Variants in ATRNL1 observed in about 807,000 individuals in gnomAD.
ATRNL1 encodes attractin-like protein 1.
In ATRNL1, 95 loss-of-function variants were observed where a neutral mutation model predicts 182.7. The observed-to-expected ratio is 0.52, with a 90% CI of 0.44 to 0.62. The LOEUF (loss-of-function observed/expected upper bound fraction) is 0.62. Ranked by LOEUF, ATRNL1 falls within the 20% of genes least tolerant of loss-of-function variation. The pLI, the probability that ATRNL1 is intolerant of heterozygous loss-of-function variation, is 0.00. For missense variants in ATRNL1, 1,471 were observed against 1,679.5 expected (o/e 0.88, Z 2.17); for synonymous variants, 576 against 568.3 (o/e 1.01, Z -0.19).
chr10:115,457,709 G>A (rs1230421176), intron 21 of ATRNL1, among the ~76,000 whole-genome samples: 3 of 151,896 alleles, frequency 2.0e-5, no homozygotes, highest in Non-Finnish European at 4.4e-5. Flanking sequence ...GCCACCACAT[G>A]TCCCTCCCTG....
chr10:115,311,175 T>C (rs1230336790), intron 17 of ATRNL1, among the ~76,000 whole-genome samples: 1 of 146,564 alleles, frequency 6.8e-6, no homozygotes, highest in African/African-American at 2.5e-5. Flanking sequence ...GAGAAGATAC[T>C]TGATATGATT....
intron 28 of ATRNL1, among the ~76,000 whole-genome samples, chr10:115,939,095 G>A (rs1322774656): frequency 4.6e-5 from 7 of 152,196 alleles, no homozygotes; most frequent in African/African-American, 1.7e-4. Flanking sequence ...TGTATACATA[G>A]GTCAAAACAC....
chr10:115,900,727 A>C (rs2134489200), intron 28 of ATRNL1, among the ~76,000 whole-genome samples: 1 of 152,308 alleles, frequency 6.6e-6, no homozygotes, highest in East Asian at 1.9e-4. Flanking sequence ...ACTTGCTTTG[A>C]AGTCTGTTAT....
At chr10:115,163,032 G>A (rs1592194042) in intron 6 of ATRNL1, among the ~76,000 whole-genome samples, 1 of 151,434 alleles carries the variant, frequency 6.6e-6, no homozygotes, top group East Asian at 2.0e-4. Context: ...AAGTGGGGTG[G>A]GGATGGGGGT....
intron 24 of ATRNL1, among the ~76,000 whole-genome samples, chr10:115,469,749 T>C (rs1187004340): frequency 7.3e-5 from 11 of 150,674 alleles, no homozygotes; most frequent in African/African-American, 2.4e-4. Flanking sequence ...TAGCAGTATT[T>C]CAGTTACCTC....
rs112343950 is a variant in ATRNL1 at position 115,723,534 on chromosome 10, GTATT to G, written c.3796-3688_3796-3685del. ...TTAAGCGTAGATATTCTTTTCTTTT[GTATT>G]TATTTATTTATTTATTTATTTATTT... On this transcript the variant is annotated intron_variant, in intron 26 of 28. Coordinates refer to ENST00000355044, the MANE Select transcript of ATRNL1 (RefSeq NM_207303.4). Among the ~76,000 whole-genome samples, 89 of 148,224 alleles carry G rather than the reference GTATT, an allele frequency of 6.0e-4. No homozygotes were observed. In the South Asian group the frequency reaches 0.015, roughly 25 times the overall value.
rs539412646 is a variant in ATRNL1, at chr10:115,799,179, TCTTTG to T, written c.3904-48691_3904-48687del. 1.2e-4 allele frequency among the ~76,000 whole-genome samples: 19 copies of T among 152,324 alleles called. No individual in the cohort carries two copies. In the East Asian group the frequency reaches 3.7e-3, roughly 29 times the overall value. On this transcript the variant is annotated intron_variant, in intron 27 of 28. Coordinates refer to ENST00000355044, the MANE Select transcript of ATRNL1 (RefSeq NM_207303.4). ...TATCTTTACATTTATAATACCTGTC[TCTTTG>T]CTTTGCACACAATATGGACTTAATA...
At chr10:115,444,174 A>G (rs1554966203) in intron 21 of ATRNL1, among the ~76,000 whole-genome samples, 1 of 152,138 alleles carries the variant, frequency 6.6e-6, no homozygotes, top group East Asian at 1.9e-4. Flanking sequence ...CTACAGGCAA[A>G]TTATTAGAAA....
chr10:115,419,760 T>C (rs1303156620), intron 20 of ATRNL1, among the ~76,000 whole-genome samples: 1 of 152,140 alleles, frequency 6.6e-6, no homozygotes, highest in African/African-American at 2.4e-5. Flanking sequence ...AGAGGACCTA[T>C]GTATATAAAG....
At chr10:115,834,743 A>G (rs1241488675) in intron 27 of ATRNL1, among the ~76,000 whole-genome samples, 1 of 151,940 alleles carries the variant, frequency 6.6e-6, no homozygotes, top group Admixed American at 6.6e-5. Flanking sequence ...TTCCCCTACT[A>G]CCTTCCACCA....
At chr10:115,227,304 C>G (rs782276015) in intron 9 of ATRNL1, among the ~76,000 whole-genome samples, 3 of 151,992 alleles carry the variant, frequency 2.0e-5, no homozygotes, top group African/African-American at 7.2e-5. Context: ...AAGTGCCCAA[C>G]AAACATGCAA....
chr10:115,872,098 G>A (rs1301830233), intron 28 of ATRNL1, among the ~76,000 whole-genome samples: 1 of 152,130 alleles, frequency 6.6e-6, no homozygotes, highest in African/African-American at 2.4e-5. Context: ...GAGAAAATTG[G>A]GTTATCATCT....
chr10:115,348,623 G>T (rs1245671748), intron 19 of ATRNL1, among the ~76,000 whole-genome samples: 1 of 152,048 alleles, frequency 6.6e-6, no homozygotes, highest in East Asian at 1.9e-4. Flanking sequence ...TGCAATGAAG[G>T]AATATCCTTG....
chr10:115,277,501 A>G (rs754060709), intron 13 of ATRNL1, among the ~76,000 whole-genome samples: 82 of 152,074 alleles, frequency 5.4e-4, no homozygotes, highest in Non-Finnish European at 1.0e-3. Context: ...CTTAATTTTA[A>G]CTCTTAACTT....
At chr10:115,834,887 T>G (rs2134320965) in intron 27 of ATRNL1, among the ~76,000 whole-genome samples, 1 of 152,314 alleles carries the variant, frequency 6.6e-6, no homozygotes, top group South Asian at 2.1e-4. Flanking sequence ...TTTGTTGCAG[T>G]AGTTTTTACA....
chr10:115,172,837 AGTT>A (rs1592209196), intron 8 of ATRNL1, among the ~76,000 whole-genome samples: 1 of 136,532 alleles, frequency 7.3e-6, no homozygotes, highest in Non-Finnish European at 1.7e-5. Context: ...ACTGTTCTCA[AGTT>A]GTTTTTTTTT....
At chr10:115,211,028 C>G (rs1312717528) in intron 8 of ATRNL1, among the ~76,000 whole-genome samples, 1 of 147,830 alleles carries the variant, frequency 6.8e-6, no homozygotes, top group Admixed American at 6.8e-5. Flanking sequence ...TGTTTCTGCT[C>G]TATTTGTTGT....
intron 13 of ATRNL1, among the ~76,000 whole-genome samples, chr10:115,274,098 G>T (rs1394845514): frequency 6.6e-6 from 1 of 152,126 alleles, no homozygotes; most frequent in South Asian, 2.1e-4. Flanking sequence ...AATCCTAAGG[G>T]TCTGCACTAT....
Position 115,494,619 on chromosome 10 carries a change from T to C in ATRNL1, c.3655-24644T>C, listed in dbSNP as rs144750500. 4.0e-3 allele frequency among the ~76,000 whole-genome samples: 610 copies of C among 152,310 alleles called. 2 individuals carry two copies. The highest frequency in any genetic ancestry group is 0.013 in the African/African-American group (525 of 41,552). On this transcript the variant is annotated intron_variant, in intron 24 of 28. Transcript: ENST00000355044. ...TGATTATGTGGTTTTTGTTTTTAGC[T>C]CTGTTTATGTGATAAATCACATTTA...
Sources: gnomAD v4.1 joint callset for allele counts (sites outside exome capture counted in the v4.1 genomes callset) on GRCh38, gnomAD v4.1.1 for gene constraint, MANE v1.5 for transcripts, NCBI Gene and HGNC (gene_info 2026-07-23, HGNC 2026-07-21) for gene names.